The following ABCG2 variants were observed in gnomAD, a reference collection of about 807,000 sequenced individuals.
ABCG2 encodes broad substrate specificity ATP-binding cassette transporter ABCG2.
ABCG2 carries 80 observed loss-of-function variants against 73.5 expected under a neutral mutation model. The ratio of observed to expected loss-of-function variants is 1.09; its 90% CI spans 0.91 to 1.31. ABCG2 has a LOEUF of 1.31. Ranked by LOEUF, ABCG2 falls within the 50% of genes most tolerant of loss-of-function variation. The probability of loss-of-function intolerance (pLI) is 0.00; values close to 1 mark genes in which losing one functional copy is unlikely to be tolerated. For missense variants in ABCG2, 796 were observed against 786.2 expected (o/e 1.01, Z -0.15); for synonymous variants, 269 against 282.4 (o/e 0.95, Z 0.48).
Position 88,090,601 on chromosome 4 carries a change from C to T in ABCG2, c.*1633G>A, listed in dbSNP as rs115329310. On this transcript the variant is annotated 3_prime_UTR_variant, in exon 16 of 16. Transcript: ENST00000237612. ...TTGATGTTGTGACAGAATGTCAGGGCACCCACTGACAAACTAAATGAATTC... is the reference window on the plus strand; with the variant it reads ...TTGATGTTGTGACAGAATGTCAGGGTACCCACTGACAAACTAAATGAATTC... The T allele has an allele frequency of 6.6e-6, 1 of 152,208 alleles. No individual in the cohort carries two copies. The highest frequency in any genetic ancestry group is 1.5e-5 in the Non-Finnish European group (1 of 68,034). 9.4% of individuals were successfully genotyped at this position (152,208 alleles called of 1,614,324 possible).
At chr4:88,104,756 C>A (rs541885674) in intron 10 of ABCG2, among the ~76,000 whole-genome samples, 2 of 151,946 alleles carry the variant, frequency 1.3e-5, no homozygotes, top group Non-Finnish European at 2.9e-5. Context: ...CTACTGCACA[C>A]CAGCCTGGGC....
At chr4:88,207,452 G>T (rs1729422217) in intron 1 of ABCG2, among the ~76,000 whole-genome samples, 1 of 152,166 alleles carries the variant, frequency 6.6e-6, no homozygotes, top group South Asian at 2.1e-4. Context: ...TGGACAACTG[G>T]AAAAGAAGTC....
rs1723424076 is a variant in ABCG2, at chr4:88,114,953, A to G, written c.943+4T>C. 4 of 1,598,378 alleles carry G rather than the reference A, an allele frequency of 2.5e-6. No homozygotes were observed. Among genetic ancestry groups the G allele is most frequent in the Non-Finnish European group, 3.4e-6 (4 of 1,167,650 alleles). On this transcript the variant is annotated splice_donor_region_variant and intron_variant, in intron 8 of 15. Transcript: ENST00000237612. ...AAATCTGGGACTGTAACAGATTCAT[A>G]TACCTTTAAAGTCTTCTTCTCTGTT...
chr4:88,198,028 CAAA>C (rs34030026), intron 1 of ABCG2, among the ~76,000 whole-genome samples: 2 of 115,598 alleles, frequency 1.7e-5, no homozygotes, highest in Non-Finnish European at 1.8e-5. Flanking sequence ...AGACTGTCTC[CAAA>C]AAAAAAAAAA....
Position 88,122,865 on chromosome 4 carries a change from T to C in ABCG2, c.532-1073A>G, listed in dbSNP as rs757108311. ...GGTCCTTGACCCCTGTGCCTCCTGA[T>C]TGGGAGACACCTCCCAGCAGGGGTC... On this transcript the variant is annotated intron_variant, in intron 5 of 15. Coordinates refer to ENST00000237612, the MANE Select transcript of ABCG2 (RefSeq NM_004827.3). Among the ~76,000 whole-genome samples the C allele has an allele frequency of 3.0e-4, 45 of 152,318 alleles. 1 individual carries two copies. The highest frequency in any genetic ancestry group is 7.2e-4 in the Admixed American group (11 of 15,306).
chr4:88,212,103 TG>T (rs1436842076), intron 1 of ABCG2, among the ~76,000 whole-genome samples: 1 of 152,188 alleles, frequency 6.6e-6, no homozygotes, highest in Admixed American at 6.5e-5. Context: ...AAAGTATGAT[TG>T]CCCTAGCTTT....
chr4:88,185,731 T>C (rs1728426980), intron 1 of ABCG2, among the ~76,000 whole-genome samples: 1 of 152,202 alleles, frequency 6.6e-6, no homozygotes, highest in Non-Finnish European at 1.5e-5. Context: ...GACGCACGAA[T>C]GGCAAACAAG....
At chr4:88,105,935 G>C (rs1381437665) in intron 10 of ABCG2, among the ~76,000 whole-genome samples, 1 of 152,138 alleles carries the variant, frequency 6.6e-6, no homozygotes, top group Non-Finnish European at 1.5e-5. Flanking sequence ...CTATTTAAAA[G>C]GGAGAAAAAG....
chr4:88,139,087 G>A (rs1725438313), intron 2 of ABCG2, among the ~76,000 whole-genome samples: 2 of 151,084 alleles, frequency 1.3e-5, no homozygotes, highest in East Asian at 2.0e-4. Flanking sequence ...GTTGCAGTGA[G>A]CCGAGATTGT....
intron 1 of ABCG2, among the ~76,000 whole-genome samples, chr4:88,179,249 GTC>G (rs1278631729): frequency 3.3e-5 from 5 of 152,196 alleles, no homozygotes; most frequent in African/African-American, 1.2e-4. Context: ...GAGAACAAGA[GTC>G]TCTGCCTGGT....
intron 1 of ABCG2, among the ~76,000 whole-genome samples, chr4:88,212,317 G>C (rs1729636212): frequency 6.6e-6 from 1 of 151,970 alleles, no homozygotes; most frequent in African/African-American, 2.4e-5. Flanking sequence ...CCCCTGCATG[G>C]TTGCTGCCAT....
At chr4:88,103,245 TA>T (rs1246299155) in intron 10 of ABCG2, among the ~76,000 whole-genome samples, 2 of 152,230 alleles carry the variant, frequency 1.3e-5, no homozygotes, top group Non-Finnish European at 2.9e-5. Context: ...TTTGTTGTCT[TA>T]AATCTATCAG....
chr4:88,197,887 T>A (rs1728999605), intron 1 of ABCG2, among the ~76,000 whole-genome samples: 1 of 151,526 alleles, frequency 6.6e-6, no homozygotes, highest in Non-Finnish European at 1.5e-5. Context: ...AAAATTAGCC[T>A]GGCGTGGTGG....
At position 88,109,220 on chromosome 4, in the gene ABCG2, G is replaced by A. The variant is rs536115858; in HGVS notation, c.1195-1954C>T. ...TCACTATGTTGGCCAGGCTGGTCTC[G>A]AACTCCTGACCTCATGATCTGCCCG... On this transcript the variant is annotated intron_variant, in intron 9 of 15. Transcript: ENST00000237612. 5.2e-3 allele frequency among the ~76,000 whole-genome samples: 791 copies of A among 151,990 alleles called. 3 individuals are homozygous for A. The highest frequency in any genetic ancestry group is 9.0e-3 in the Non-Finnish European group (614 of 67,974).
chr4:88,194,003 C>T (rs1232013065), intron 1 of ABCG2, among the ~76,000 whole-genome samples: 1 of 152,156 alleles, frequency 6.6e-6, no homozygotes, highest in Admixed American at 6.5e-5. Flanking sequence ...CCTCGGCCTC[C>T]CAACCTAATG....
chr4:88,173,089 T>C (rs1212659341), intron 1 of ABCG2, among the ~76,000 whole-genome samples: 1 of 152,242 alleles, frequency 6.6e-6, no homozygotes, highest in Non-Finnish European at 1.5e-5. Flanking sequence ...GGTTTCAGAA[T>C]TTCTAACACT....
At chr4:88,165,042 G>A (rs1319644452) in intron 1 of ABCG2, among the ~76,000 whole-genome samples, 1 of 152,202 alleles carries the variant, frequency 6.6e-6, no homozygotes, top group African/African-American at 2.4e-5. Context: ...GACTCCCAAA[G>A]TGCTGGGATT....
At chr4:88,132,459 G>C (rs998447100) in intron 3 of ABCG2, 117 bp downstream of exon 3, 9 of 1,085,220 alleles carry the variant, frequency 8.3e-6, no homozygotes, top group African/African-American at 3.1e-5. Context: ...CCTAGAACCA[G>C]ACCTGACATG....
At chr4:88,140,345 A>C (rs1347118640) in intron 1 of ABCG2, among the ~76,000 whole-genome samples, 1 of 152,246 alleles carries the variant, frequency 6.6e-6, no homozygotes, top group Non-Finnish European at 1.5e-5. Flanking sequence ...GTCTGGCTTG[A>C]AAAGCATATT....
Sources: gnomAD v4.1 joint callset for allele counts (sites outside exome capture counted in the v4.1 genomes callset) on GRCh38, gnomAD v4.1.1 for gene constraint, MANE v1.5 for transcripts, NCBI Gene and HGNC (gene_info 2026-07-23, HGNC 2026-07-21) for gene names.